The following ZNF875 variants were observed in gnomAD, a reference collection of about 807,000 sequenced individuals.
The protein encoded by ZNF875 is zinc finger protein 875.
A neutral mutation model predicts 11.2 loss-of-function variants in ZNF875; 14 were observed. That is an observed-to-expected ratio of 1.26 (90% CI 0.83 to 1.96). The LOEUF (loss-of-function observed/expected upper bound fraction) is 1.96, where lower values mean the gene tolerates loss of function less well. Among genes scored for constraint, ZNF875 ranks in the 30% most tolerant of loss-of-function variants. The probability of loss-of-function intolerance (pLI) is 0.00; values close to 1 mark genes in which losing one functional copy is unlikely to be tolerated. For synonymous variants in ZNF875, 301 were observed against 281.1 expected, an observed-to-expected ratio of 1.07 and a Z score of -0.71; for missense variants, 752 against 760.4, an observed-to-expected ratio of 0.99 and a Z score of 0.13.
chr19:37,359,991 C>T (rs2039637949), intron 4 of ZNF875, among the ~76,000 whole-genome samples: 1 of 152,132 alleles, frequency 6.6e-6, no homozygotes, highest in Non-Finnish European at 1.5e-5. Flanking sequence ...TAACTAAGAA[C>T]TTTATTCTTA....
intron 4 of ZNF875, among the ~76,000 whole-genome samples, chr19:37,350,680 C>A (rs1283599873): frequency 7.2e-5 from 11 of 151,780 alleles, no homozygotes; most frequent in African/African-American, 2.7e-4. Flanking sequence ...GCCACCATCA[C>A]CACAATAAAG....
intron 2 of ZNF875, 121 bp downstream of exon 2, chr19:37,335,378 G>T: frequency 1.7e-6 from 1 of 582,290 alleles, no homozygotes; most frequent in South Asian, 1.9e-5. Flanking sequence ...GTCATTCCTA[G>T]TCCATAGAAC....
intron 1 of ZNF875, among the ~76,000 whole-genome samples, chr19:37,319,656 G>A (rs1464740038): frequency 1.9e-4 from 29 of 152,014 alleles, no homozygotes; most frequent in Non-Finnish European, 1.5e-5. Context: ...AGCCACTAAT[G>A]TTTCTCCTTG....
intron 2 of ZNF875, chr19:37,337,867 G>T (rs112011242): frequency 1.8e-4 from 27 of 152,240 alleles, no homozygotes; most frequent in African/African-American, 5.8e-4. Flanking sequence ...TTTGATATGG[G>T]TTAACTTGGT....
At chr19:37,344,620 G>T in intron 2 of ZNF875, 1 of 1,376,936 alleles carries the variant, frequency 7.3e-7, no homozygotes, top group South Asian at 1.2e-5. Flanking sequence ...CTGGCAAGCA[G>T]ATGAATTAAC....
At chr19:37,344,346 C>T (rs923476647) in intron 2 of ZNF875, among the ~76,000 whole-genome samples, 3 of 152,052 alleles carry the variant, frequency 2.0e-5, no homozygotes, top group African/African-American at 7.2e-5. Context: ...TTCAGTAGCC[C>T]TAGGATGGGG....
At chr19:37,337,405 C>G (rs1462926807) in intron 2 of ZNF875, 1 of 152,084 alleles carries the variant, frequency 6.6e-6, no homozygotes, top group African/African-American at 2.4e-5. Flanking sequence ...ATAAGGAAGT[C>G]AATGGTATGT....
chr19:37,331,232 T>C (rs1388988907), upstream of ZNF875, among the ~76,000 whole-genome samples: 1 of 3,346 alleles, frequency 3.0e-4, no homozygotes, highest in Non-Finnish European at 4.3e-4. Flanking sequence ...AACTCCTTGC[T>C]TTTTTTTTTT....
rs1322274916 is a variant in ZNF875, at chr19:37,363,116, T to G, written c.1264T>G (p.Tyr422Asp). The G allele has an allele frequency of 1.2e-6, 2 of 1,613,562 alleles. No homozygotes were observed. The highest frequency in any genetic ancestry group is 1.7e-6 in the Non-Finnish European group (2 of 1,179,916). Residue 422 changes from tyrosine (Y) to aspartate (D), a missense_variant, in exon 5 of 5, where the codon TAT (tyrosine) becomes GAT (aspartate). Transcript: ENST00000392153. Reference protein sequence around the residue: ...HLRTHTGEKPYVCTECGRHFS... With the variant: ...HLRTHTGEKPDVCTECGRHFS... The stretch of plus-strand genomic sequence containing the variant: ...AAGGACACACACAGGAGAGAAGCCT[T>G]ATGTATGCACAGAATGTGGGCGTCA...
intron 4 of ZNF875, among the ~76,000 whole-genome samples, chr19:37,351,598 A>G (rs2037911485): frequency 6.6e-6 from 1 of 152,142 alleles, no homozygotes; most frequent in South Asian, 2.1e-4. Context: ...GCTGAATCCT[A>G]CAACTTTTGG....
chr19:37,346,848 C>T (rs533398047), intron 2 of ZNF875: 1 of 274,246 alleles, frequency 3.6e-6, no homozygotes. Context: ...CTCAGGGAAG[C>T]CTTTTGACCT....
chr19:37,326,258 C>G (rs990735828), intron 4 of ZNF875, among the ~76,000 whole-genome samples: 15 of 152,330 alleles, frequency 9.8e-5, no homozygotes, highest in South Asian at 2.1e-4. Context: ...GTGGCAAGTG[C>G]CTGCCTTATT....
At chr19:37,325,432 T>C (rs2032261555) in intron 4 of ZNF875, among the ~76,000 whole-genome samples, 1 of 152,252 alleles carries the variant, frequency 6.6e-6, no homozygotes, top group Non-Finnish European at 1.5e-5. Flanking sequence ...GTAGTCACTT[T>C]AGAAAAGTTA....
At chr19:37,344,795 G>T in intron 2 of ZNF875, 1 of 1,378,356 alleles carries the variant, frequency 7.3e-7, no homozygotes, top group Non-Finnish European at 1.0e-6. Flanking sequence ...ATGTGTTAAA[G>T]TAACACTAAT....
intron 1 of ZNF875, among the ~76,000 whole-genome samples, chr19:37,321,996 G>A (rs1331319794): frequency 6.6e-6 from 1 of 152,208 alleles, no homozygotes; most frequent in Non-Finnish European, 1.5e-5. Context: ...AGGGGTCAAA[G>A]ACTCTCCCGT....
chr19:37,351,228 G>T (rs950581025), intron 4 of ZNF875, among the ~76,000 whole-genome samples: 37 of 151,878 alleles, frequency 2.4e-4, no homozygotes, highest in African/African-American at 8.2e-4. Context: ...AAATTTGTTG[G>T]CATAATGTTC....
intron 4 of ZNF875, among the ~76,000 whole-genome samples, chr19:37,357,559 T>A (rs550315641): frequency 2.0e-5 from 3 of 152,336 alleles, no homozygotes; most frequent in Non-Finnish European, 4.4e-5. Flanking sequence ...TTTGGTTTGA[T>A]GTATTCTTAG....
intron 1 of ZNF875, among the ~76,000 whole-genome samples, chr19:37,318,413 C>G (rs2030502842): frequency 6.6e-6 from 1 of 152,168 alleles, no homozygotes. Flanking sequence ...CTGATAAGGA[C>G]AGCCAGTTAA....
intron 1 of ZNF875, chr19:37,322,125 C>T (rs1487750692): frequency 6.6e-6 from 1 of 152,084 alleles, no homozygotes; most frequent in Non-Finnish European, 1.5e-5. Context: ...TTAAATTGGC[C>T]TGTAACTTTT....
Sources: gnomAD v4.1 joint callset for allele counts (sites outside exome capture counted in the v4.1 genomes callset) on GRCh38, gnomAD v4.1.1 for gene constraint, MANE v1.5 for transcripts, NCBI Gene and HGNC (gene_info 2026-07-23, HGNC 2026-07-21) for gene names.